The following RAB38 variants were observed in gnomAD, a reference collection of about 807,000 sequenced individuals.
RAB38 encodes the protein RAB38, member RAS oncogene family.
RAB38 carries 15 observed loss-of-function variants against 18.4 expected under a neutral mutation model. That is an observed-to-expected ratio of 0.82 (90% CI 0.55 to 1.26). RAB38 has a LOEUF of 1.26. RAB38 is among the 50% of genes most tolerant of loss of function. The pLI is 0.00. For synonymous variants in RAB38, 101 were observed against 104.4 expected (o/e 0.97, Z 0.20); for missense variants, 294 against 267.4 (o/e 1.10, Z -0.69).
the RAB38 span, among the ~76,000 whole-genome samples, chr11:88,005,631 T>C: frequency 1.3e-5 from 2 of 151,512 alleles, no homozygotes; most frequent in African/African-American, 4.8e-5. Context: ...GTATTTGCTT[T>C]TCTTGCCCAT....
chr11:87,908,379 A>T, the RAB38 span, among the ~76,000 whole-genome samples: 1 of 152,008 alleles, frequency 6.6e-6, no homozygotes, highest in Non-Finnish European at 1.5e-5. Context: ...ATCTCAGACC[A>T]CATTTCACTT....
At chr11:87,838,486 A>G in the RAB38 span, among the ~76,000 whole-genome samples, 1 of 152,176 alleles carries the variant, frequency 6.6e-6, no homozygotes, top group African/African-American at 2.4e-5. Flanking sequence ...ATCATTCTTA[A>G]CTAATGAGTT....
chr11:88,053,286 A>T, the RAB38 span, among the ~76,000 whole-genome samples: 21 of 52,438 alleles, frequency 4.0e-4, no homozygotes, highest in Non-Finnish European at 7.3e-4. Flanking sequence ...ATATATATGG[A>T]ATATATATAT....
At chr11:87,860,224 TA>T in the RAB38 span, among the ~76,000 whole-genome samples, 1 of 151,984 alleles carries the variant, frequency 6.6e-6, no homozygotes. Context: ...ATAAGAGCAA[TA>T]CTAAATATGC....
the RAB38 span, among the ~76,000 whole-genome samples, chr11:88,035,155 A>G: frequency 9.9e-5 from 15 of 152,114 alleles, no homozygotes; most frequent in African/African-American, 3.4e-4. Context: ...TTGCTTATTT[A>G]TTTTTAAAAA....
the RAB38 span, among the ~76,000 whole-genome samples, chr11:87,969,960 A>G: frequency 4.6e-5 from 7 of 152,210 alleles, no homozygotes; most frequent in Non-Finnish European, 8.8e-5. Flanking sequence ...CCATATAGAA[A>G]CCTGTATAAC....
chr11:87,903,343 CTT>C, the RAB38 span, among the ~76,000 whole-genome samples: 2 of 151,236 alleles, frequency 1.3e-5, no homozygotes, highest in African/African-American at 4.8e-5. Flanking sequence ...ATTTTATTCA[CTT>C]GATAAGTTGA....
chr11:87,836,649 G>A, the RAB38 span, among the ~76,000 whole-genome samples: 116 of 152,274 alleles, frequency 7.6e-4, no homozygotes, highest in Non-Finnish European at 7.9e-4. Flanking sequence ...GTTCTGGAGA[G>A]CATTTAAATC....
At chr11:87,923,667 C>T in the RAB38 span, among the ~76,000 whole-genome samples, 1 of 151,466 alleles carries the variant, frequency 6.6e-6, no homozygotes. Context: ...ACAAATAATT[C>T]TGAGGTTGTT....
chr11:88,150,132 T>A (rs1943047168), intron 1 of RAB38, among the ~76,000 whole-genome samples, 177 bp from the exon 2 acceptor site: 1 of 152,208 alleles, frequency 6.6e-6, no homozygotes, highest in Admixed American at 6.5e-5. Flanking sequence ...GATTTTTGAA[T>A]TCAGAAGGGA....
chr11:88,042,752 G>T, the RAB38 span, among the ~76,000 whole-genome samples: 1 of 152,092 alleles, frequency 6.6e-6, no homozygotes, highest in African/African-American at 2.4e-5. Context: ...AGCTTTGCCT[G>T]GAATGAACCA....
chr11:87,827,604 A>T, the RAB38 span, among the ~76,000 whole-genome samples: 13 of 152,278 alleles, frequency 8.5e-5, no homozygotes, highest in African/African-American at 2.9e-4. Flanking sequence ...AATGAGTGAG[A>T]GCCATAGAAA....
chr11:88,033,403 G>C, the RAB38 span, among the ~76,000 whole-genome samples: 13 of 151,116 alleles, frequency 8.6e-5, no homozygotes, highest in African/African-American at 2.9e-4. Flanking sequence ...AAAAAAAAAA[G>C]AAAGTATTTG....
rs1362340516 is a variant in RAB38, at chr11:88,169,996, TCA to T, written c.202+5185_202+5186del. Among the ~76,000 whole-genome samples, 22 of 152,270 alleles carry T rather than the reference TCA, an allele frequency of 1.4e-4. No individual in the cohort carries two copies. In the East Asian group the frequency reaches 2.1e-3, roughly 15 times the overall value. On this transcript the variant is annotated intron_variant, in intron 1 of 2. Coordinates refer to ENST00000243662, the MANE Select transcript of RAB38 (RefSeq NM_022337.3). ...TACATATATTTGCTGAAGAAACCAA[TCA>T]CACATATAGAGCTACTTTTTCCAAT...
chr11:88,071,320 C>T, the RAB38 span, among the ~76,000 whole-genome samples: 1 of 151,780 alleles, frequency 6.6e-6, no homozygotes, highest in Admixed American at 6.6e-5. Flanking sequence ...GAAACAAAAT[C>T]CACCTGCCTA....
the RAB38 span, among the ~76,000 whole-genome samples, chr11:87,872,426 T>TA: frequency 1.3e-5 from 2 of 151,580 alleles, no homozygotes; most frequent in Non-Finnish European, 3.0e-5. Context: ...GTACATTTGT[T>TA]ACAACTGATA....
chr11:87,830,412 T>A, the RAB38 span, among the ~76,000 whole-genome samples: 67 of 152,046 alleles, frequency 4.4e-4, no homozygotes, highest in African/African-American at 1.5e-3. Context: ...ACTCCAGAGG[T>A]TGAGGCTGTA....
chr11:88,066,214 A>G, the RAB38 span, among the ~76,000 whole-genome samples: 4 of 152,254 alleles, frequency 2.6e-5, no homozygotes, highest in East Asian at 7.7e-4. Context: ...ATTGGTAGGG[A>G]TTTTGCTACC....
chr11:88,044,281 G>T, the RAB38 span, among the ~76,000 whole-genome samples: 1 of 152,074 alleles, frequency 6.6e-6, no homozygotes, highest in Non-Finnish European at 1.5e-5. Flanking sequence ...CTCTGGTGGG[G>T]AGGAACCCCC....
Sources: gnomAD v4.1 joint callset for allele counts (sites outside exome capture counted in the v4.1 genomes callset) on GRCh38, gnomAD v4.1.1 for gene constraint, MANE v1.5 for transcripts, NCBI Gene and HGNC (gene_info 2026-07-23, HGNC 2026-07-21) for gene names.